NOL11: variants seen among roughly 807,000 people sequenced by gnomAD.
NOL11 encodes the protein nucleolar protein 11.
Under a neutral mutation model 93.0 loss-of-function variants are expected in NOL11, and 42 were observed. The ratio of observed to expected loss-of-function variants is 0.45; its 90% CI spans 0.35 to 0.58. The LOEUF (loss-of-function observed/expected upper bound fraction) is 0.58. Among genes scored for constraint, NOL11 ranks in the 20% least tolerant of loss-of-function variants. The pLI, the probability that NOL11 is intolerant of heterozygous loss-of-function variation, is 0.00. For synonymous variants in NOL11, 296 were observed against 293.7 expected (o/e 1.01, Z -0.08); for missense variants, 775 against 841.8 (o/e 0.92, Z 0.98).
At chr17:67,723,370 A>ATTTTTTTTT (rs568396700) in intron 5 of NOL11, among the ~76,000 whole-genome samples, 7 of 60,772 alleles carry the variant, frequency 1.2e-4, no homozygotes, top group African/African-American at 3.9e-4. Flanking sequence ...AAGATCTCTA[A>ATTTTTTTTT]TTTTTTTTTT....
At position 67,722,642 on chromosome 17, in the gene NOL11, G is replaced by T; in HGVS notation, c.519+5G>T. The T allele has an allele frequency of 6.4e-7, 1 of 1,564,918 alleles. No individual in the cohort carries two copies. The highest frequency in any genetic ancestry group is 8.6e-7 in the Non-Finnish European group (1 of 1,165,248). ...TTAATTTTTATTACTGAAAAAGTAAGTGATATCTTCAATTCCTGGCCCATT... is the reference window on the plus strand; with the variant it reads ...TTAATTTTTATTACTGAAAAAGTAATTGATATCTTCAATTCCTGGCCCATT... On this transcript the variant is annotated splice_donor_5th_base_variant and intron_variant, in intron 5 of 17. Transcript: ENST00000253247.
chr17:67,720,971 C>T (rs188941272), intron 3 of NOL11, among the ~76,000 whole-genome samples: 11 of 152,230 alleles, frequency 7.2e-5, no homozygotes, highest in Admixed American at 1.3e-4. Context: ...TCCTCACACA[C>T]GGTGTTAACT....
At chr17:67,742,050 C>A (rs1429578312) in intron 16 of NOL11, among the ~76,000 whole-genome samples, 1 of 152,118 alleles carries the variant, frequency 6.6e-6, no homozygotes, top group Non-Finnish European at 1.5e-5. Context: ...TACAGATATT[C>A]TTGTATATTT....
At chr17:67,740,165 G>A (rs919551623) in intron 16 of NOL11, among the ~76,000 whole-genome samples, 9 of 151,240 alleles carry the variant, frequency 6.0e-5, no homozygotes, top group Admixed American at 1.3e-4. Flanking sequence ...AACCCAGGAG[G>A]CGGACGTTGC....
In NOL11 at chr17:67,724,146, G is replaced by T; in HGVS notation, c.617G>T (p.Ser206Ile). 1.3e-6 allele frequency: 2 copies of T among 1,589,508 alleles called. No homozygotes were observed. Among genetic ancestry groups the T allele is most frequent in the African/African-American group, 1.4e-5 (1 of 73,444 alleles). Reference protein sequence around the residue: ...LGQDENSVIKSFTASVDRKFI... With the variant: ...LGQDENSVIKIFTASVDRKFI... ...CAAGACGAAAACTCTGTTATAAAGA[G>T]TTTTACTGCATCTGTAGATCGGAAA... The change falls in exon 6 of 18, where the codon AGT becomes ATT. Residue 206 changes from serine to isoleucine, a missense_variant. Transcript: ENST00000253247.
At chr17:67,739,681 C>G in intron 16 of NOL11, 73 bp downstream of exon 16, 2 of 922,780 alleles carry the variant, frequency 2.2e-6, no homozygotes, top group South Asian at 1.5e-5. Flanking sequence ...AAGGTCAGCA[C>G]CTGCATTCAA....
chr17:67,737,625 G>T lies in NOL11; in HGVS notation c.1336G>T (p.Ala446Ser), dbSNP rs760769113. The change falls in exon 12 of 18, where the codon GCA becomes TCA. Residue 446 changes from alanine to serine, a missense_variant. By Grantham distance (99) the Ala-to-Ser change is moderately conservative (BLOSUM62 1). Around this residue, in one of 2 missense-constraint regions of NOL11, gnomAD observed 416 missense variants for 525.2 expected, o/e 0.79. Transcript: ENST00000253247. ...TVTGLLERCK[A>S]EPSFYPRNCL... ...AACAGGACTTCTGGAAAGGTGTAAA[G>T]CAGAACCATCATTTTATCCCCGGAA... The T allele has an allele frequency of 5.6e-6, 9 of 1,614,132 alleles. No individual in the cohort carries two copies. In the South Asian group the frequency reaches 9.9e-5, roughly 18 times the overall value.
In NOL11 at chr17:67,737,160, T is replaced by C. The variant is rs373718684; in HGVS notation, c.1218+15T>C. 9 of 1,496,092 alleles carry C rather than the reference T, an allele frequency of 6.0e-6. No individual in the cohort carries two copies. The African/African-American group carries it at 8.3e-5, about 14-fold the overall frequency. 92.7% of individuals were successfully genotyped at this position (1,496,092 alleles called of 1,614,324 possible). ...CAACCATAATGGTAAATAAATAATA[T>C]TGAAATATGAAAAATCAAACTCAAG... On this transcript the variant is annotated intron_variant, in intron 11 of 17. Coordinates refer to ENST00000253247, the MANE Select transcript of NOL11 (RefSeq NM_015462.5).
chr17:67,739,234 T>G (rs138313109), intron 15 of NOL11, among the ~76,000 whole-genome samples: 6 of 152,238 alleles, frequency 3.9e-5, no homozygotes, highest in African/African-American at 1.4e-4. Flanking sequence ...AAGTTAAGCT[T>G]CCTAAGTTAT....
At chr17:67,736,804 GA>G (rs1158364597) in intron 10 of NOL11, 50 bp downstream of exon 10, 1 of 1,223,648 alleles carries the variant, frequency 8.2e-7, no homozygotes, top group Non-Finnish European at 1.2e-6. Context: ...TTGAAAAACA[GA>G]AAAAGACTGA....
At chr17:67,728,478 C>T (rs1007839326) in intron 7 of NOL11, among the ~76,000 whole-genome samples, 8 of 152,082 alleles carry the variant, frequency 5.3e-5, no homozygotes, top group African/African-American at 7.2e-5. Context: ...TGTACCCTGC[C>T]GCTCTTAAGT....
chr17:67,736,525 C>T (rs1186422823), intron 9 of NOL11, 141 bp from the exon 10 acceptor site: 2 of 596,334 alleles, frequency 3.4e-6, no homozygotes, highest in Non-Finnish European at 6.0e-6. Context: ...ATTTTCTTAT[C>T]TGAGGTTATC....
At chr17:67,729,492 T>G (rs1469543575) in intron 7 of NOL11, among the ~76,000 whole-genome samples, 1 of 152,164 alleles carries the variant, frequency 6.6e-6, no homozygotes, top group East Asian at 1.9e-4. Context: ...CTCCTCATTC[T>G]CCTCTGCCCC....
At chr17:67,738,874 C>T (rs2055228709) in intron 14 of NOL11, 58 bp from the exon 15 acceptor site, 2 of 1,108,466 alleles carry the variant, frequency 1.8e-6, no homozygotes, top group East Asian at 2.4e-5. Context: ...GGAAGTTACT[C>T]ATAAGTTCAA....
At chr17:67,718,525 C>G (rs528950015) in intron 1 of NOL11, among the ~76,000 whole-genome samples, 112 of 152,044 alleles carry the variant, frequency 7.4e-4, no homozygotes, top group Non-Finnish European at 1.5e-3. Flanking sequence ...TTTGTAGGGG[C>G]GGGGACAATT....
At chr17:67,726,804 G>T in intron 7 of NOL11, 156 bp downstream of exon 7, 1 of 519,708 alleles carries the variant, frequency 1.9e-6, no homozygotes, top group South Asian at 3.9e-5. Flanking sequence ...AATTCTTCTT[G>T]AATTGGTTTT....
At chr17:67,721,553 T>G (rs2043217818) in intron 4 of NOL11, 27 bp downstream of exon 4, 3 of 1,587,562 alleles carry the variant, frequency 1.9e-6, no homozygotes, top group African/African-American at 1.4e-5. Context: ...GTAAGTAAAT[T>G]TATCAAAATA....
intron 16 of NOL11, among the ~76,000 whole-genome samples, chr17:67,742,536 A>G (rs377642524): frequency 1.3e-5 from 2 of 152,184 alleles, no homozygotes; most frequent in African/African-American, 2.4e-5. Flanking sequence ...GTTTTCCTCT[A>G]TAACTTCTTT....
chr17:67,738,646 A>G, intron 14 of NOL11: 1 of 460,132 alleles, frequency 2.2e-6, no homozygotes, highest in Non-Finnish European at 3.8e-6. Flanking sequence ...AGCCTGGGCA[A>G]CATGGCGAGA....
Sources: gnomAD v4.1 joint callset for allele counts (sites outside exome capture counted in the v4.1 genomes callset) on GRCh38, gnomAD v4.1.1 for gene constraint, gnomAD v4.1.1 regional missense constraint, MANE v1.5 for transcripts, NCBI Gene and HGNC (gene_info 2026-07-23, HGNC 2026-07-21) for gene names.